LRMDA: variants seen among roughly 807,000 people sequenced by gnomAD.
LRMDA encodes leucine-rich melanocyte differentiation-associated protein.
A neutral mutation model predicts 29.8 loss-of-function variants in LRMDA; 18 were observed. The ratio of observed to expected loss-of-function variants is 0.60; its 90% CI spans 0.42 to 0.90. The LOEUF is 0.90. Ranked by LOEUF, LRMDA falls within the 40% of genes least tolerant of loss-of-function variation. The probability of loss-of-function intolerance (pLI) is 0.00; values close to 1 mark genes in which losing one functional copy is unlikely to be tolerated. For missense variants in LRMDA, 273 were observed against 273.9 expected (o/e 1.00, Z 0.02); for synonymous variants, 125 against 109.4 (o/e 1.14, Z -0.89).
At chr10:76,137,994 A>T (rs1487941491) in intron 5 of LRMDA, among the ~76,000 whole-genome samples, 1 of 152,116 alleles carries the variant, frequency 6.6e-6, no homozygotes, top group Non-Finnish European at 1.5e-5. Flanking sequence ...GGAAGATTAT[A>T]ATTTCAGGGA....
intron 2 of LRMDA, among the ~76,000 whole-genome samples, chr10:75,577,823 C>T (rs944296504): frequency 1.3e-5 from 2 of 152,144 alleles, no homozygotes; most frequent in African/African-American, 4.8e-5. Context: ...AAACCGTTTA[C>T]AGACAAGCAA....
chr10:76,319,540 A>T (rs200924622), intron 5 of LRMDA, among the ~76,000 whole-genome samples: 2 of 151,928 alleles, frequency 1.3e-5, no homozygotes, highest in East Asian at 3.9e-4. Flanking sequence ...TTTTTTTATG[A>T]CCCAGCAATG....
chr10:76,483,055 T>A (rs1052992645), intron 6 of LRMDA, among the ~76,000 whole-genome samples: 1 of 152,102 alleles, frequency 6.6e-6, no homozygotes, highest in Non-Finnish European at 1.5e-5. Flanking sequence ...GGATTTTCAG[T>A]CTTTGTTCAT....
intron 5 of LRMDA, among the ~76,000 whole-genome samples, chr10:76,284,120 G>A (rs1472977391): frequency 6.6e-6 from 1 of 152,118 alleles, no homozygotes; most frequent in Non-Finnish European, 1.5e-5. Context: ...TTTGTGATAG[G>A]CTGAATAACA....
At chr10:75,982,812 T>C (rs1847196043) in intron 2 of LRMDA, among the ~76,000 whole-genome samples, 1 of 152,194 alleles carries the variant, frequency 6.6e-6, no homozygotes, top group African/African-American at 2.4e-5. Flanking sequence ...GGACCGGGCA[T>C]GAGCTTAATT....
At chr10:76,301,096 T>C (rs1840474814) in intron 5 of LRMDA, among the ~76,000 whole-genome samples, 1 of 152,160 alleles carries the variant, frequency 6.6e-6, no homozygotes. Flanking sequence ...AGGAGAGAAA[T>C]AGCCCTGCCC....
In LRMDA at chr10:76,456,963, A is replaced by AGT. The variant is rs568454563; in HGVS notation, c.602-100243_602-100242dup. On this transcript the variant is annotated intron_variant, in intron 6 of 6. Coordinates refer to ENST00000611255, the MANE Select transcript of LRMDA (RefSeq NM_001305581.2). ...AGGTTAAGTTGAAGATAGGAAGTTG[A>AGT]GTGTTGGTTTTTTCAAATTGTGGTC... Among the ~76,000 whole-genome samples, 4 of 152,188 alleles carry AGT rather than the reference A, an allele frequency of 2.6e-5. No individual in the cohort carries two copies. The South Asian group carries it at 8.3e-4, about 32-fold the overall frequency.
At chr10:76,477,890 G>A (rs1186757142) in intron 6 of LRMDA, among the ~76,000 whole-genome samples, 2 of 151,928 alleles carry the variant, frequency 1.3e-5, no homozygotes, top group Non-Finnish European at 2.9e-5. Context: ...ACACCTTATA[G>A]AAAAATTAAA....
chr10:76,033,353 G>A (rs1274905445), intron 2 of LRMDA, among the ~76,000 whole-genome samples: 1 of 152,184 alleles, frequency 6.6e-6, no homozygotes. Flanking sequence ...AGCAAAAAGA[G>A]TCTCAAAACC....
At chr10:75,710,967 G>T (rs1304707993) in intron 2 of LRMDA, among the ~76,000 whole-genome samples, 1 of 152,214 alleles carries the variant, frequency 6.6e-6, no homozygotes, top group Non-Finnish European at 1.5e-5. Context: ...CAACATATTT[G>T]TTCCACTATC....
intron 2 of LRMDA, among the ~76,000 whole-genome samples, chr10:75,584,831 T>C (rs1374364680): frequency 6.6e-6 from 1 of 152,216 alleles, no homozygotes; most frequent in East Asian, 1.9e-4. Flanking sequence ...ATTCCATTAT[T>C]AACAAGTAGC....
At chr10:75,839,229 CTGAGCATCATTAAGCA>C (rs1844492724) in intron 2 of LRMDA, among the ~76,000 whole-genome samples, 1 of 152,178 alleles carries the variant, frequency 6.6e-6, no homozygotes, top group African/African-American at 2.4e-5. Context: ...TGCAGAGTGG[CTGAGCATCATTAAGCA>C]TGAGAAATAG....
intron 2 of LRMDA, among the ~76,000 whole-genome samples, chr10:75,668,293 C>T (rs1841848234): frequency 6.6e-6 from 1 of 152,184 alleles, no homozygotes; most frequent in African/African-American, 2.4e-5. Flanking sequence ...TTGTGATTCC[C>T]ATAGTACACA....
intron 4 of LRMDA, 123 bp from the exon 5 acceptor site, chr10:76,058,543 C>A (rs930419007): frequency 1.3e-6 from 1 of 779,814 alleles, no homozygotes; most frequent in Non-Finnish European, 2.2e-6. Context: ...AGAGAGGAGG[C>A]GCAGCCAAGG....
At chr10:76,530,036 T>A (rs1843217542) in intron 6 of LRMDA, among the ~76,000 whole-genome samples, 1 of 152,116 alleles carries the variant, frequency 6.6e-6, no homozygotes, top group Non-Finnish European at 1.5e-5. Context: ...CACACCTGAC[T>A]TTTGAACTTT....
chr10:76,064,765 A>G (rs561746424), intron 5 of LRMDA, among the ~76,000 whole-genome samples: 1 of 152,248 alleles, frequency 6.6e-6, no homozygotes, highest in Non-Finnish European at 1.5e-5. Context: ...GGACATGCCT[A>G]TAAATAAACA....
intron 6 of LRMDA, among the ~76,000 whole-genome samples, chr10:76,464,013 C>T (rs989771634): frequency 2.7e-5 from 4 of 148,380 alleles, no homozygotes; most frequent in East Asian, 4.0e-4. Flanking sequence ...ATCCACCTCC[C>T]GGTTCAAGCG....
chr10:76,511,982 C>A (rs1286646638), intron 6 of LRMDA, among the ~76,000 whole-genome samples: 1 of 152,160 alleles, frequency 6.6e-6, no homozygotes, highest in Non-Finnish European at 1.5e-5. Context: ...TGTCCCCACA[C>A]AGGTCTCCTC....
chr10:76,343,813 A>ATTTTTTTTTTTTT (rs5786231), intron 6 of LRMDA, among the ~76,000 whole-genome samples: 2 of 126,662 alleles, frequency 1.6e-5, no homozygotes, highest in African/African-American at 3.0e-5. Flanking sequence ...TTTACAGGTG[A>ATTTTTTTTTTTTT]TTTTTTTTTT....
Sources: allele counts gnomAD v4.1 joint callset (sites outside exome capture counted in the v4.1 genomes callset), GRCh38; gene constraint gnomAD v4.1.1; transcripts MANE v1.5; gene names NCBI Gene and HGNC (gene_info 2026-07-23, HGNC 2026-07-21).